The following CNTNAP2 variants were observed in gnomAD, a reference collection of about 807,000 sequenced individuals.
CNTNAP2 encodes contactin-associated protein-like 2.
A neutral mutation model predicts 155.2 loss-of-function variants in CNTNAP2; 98 were observed. The ratio of observed to expected loss-of-function variants is 0.63; its 90% CI spans 0.54 to 0.75. The LOEUF (loss-of-function observed/expected upper bound fraction) is 0.75. Ranked by LOEUF, CNTNAP2 falls within the 30% of genes least tolerant of loss-of-function variation. The probability of loss-of-function intolerance (pLI) is 0.00; values close to 1 mark genes in which losing one functional copy is unlikely to be tolerated. For synonymous variants in CNTNAP2, 651 were observed against 631.2 expected (o/e 1.03, Z -0.47); for missense variants, 1,727 against 1,688.1 (o/e 1.02, Z -0.40).
rs573391486 is a variant in CNTNAP2 at position 146,520,212 on chromosome 7, C to CA, written c.98-254052dup. ...TATAGTTGACAATAACTTTATTAGG[C>CA]AAAAAAATCTACTAATTTTCATTGT... On this transcript the variant is annotated intron_variant, in intron 1 of 23. Coordinates refer to ENST00000361727, the MANE Select transcript of CNTNAP2 (RefSeq NM_014141.6). Among the ~76,000 whole-genome samples the CA allele has an allele frequency of 2.6e-3, 388 of 149,236 alleles. 3 individuals carry two copies. The highest frequency in any genetic ancestry group is 8.7e-3 in the African/African-American group (354 of 40,852).
chr7:148,159,045 T>G (rs1459112789), intron 17 of CNTNAP2, among the ~76,000 whole-genome samples: 1 of 152,168 alleles, frequency 6.6e-6, no homozygotes, highest in African/African-American at 2.4e-5. Context: ...CTTTTAGTAT[T>G]CCGCATTCAG....
rs149248383 is a variant in CNTNAP2, at chr7:147,364,517, G to A, written c.1499-31092G>A. On this transcript the variant is annotated intron_variant, in intron 9 of 23. Transcript: ENST00000361727. ...ATAATAAATCATGAAATTCCAGACA[G>A]TGTTCACTCATTTATGGTTGGTCAT... 2.4e-4 allele frequency among the ~76,000 whole-genome samples: 36 copies of A among 152,270 alleles called. No individual in the cohort carries two copies. In the East Asian group the frequency reaches 6.6e-3, roughly 28 times the overall value.
chr7:148,225,213 T>C (rs1274426667), intron 19 of CNTNAP2, among the ~76,000 whole-genome samples: 2 of 152,168 alleles, frequency 1.3e-5, no homozygotes, highest in African/African-American at 4.8e-5. Flanking sequence ...ATCTATAGTA[T>C]GTTGTGTGCT....
intron 8 of CNTNAP2, among the ~76,000 whole-genome samples, chr7:147,136,487 A>T (rs1563089540): frequency 5.3e-5 from 8 of 151,910 alleles, no homozygotes; most frequent in Admixed American, 5.3e-4. Context: ...TTCTTAGTAA[A>T]ATTTCCTTTG....
At chr7:146,203,696 C>G (rs1314889282) in intron 1 of CNTNAP2, among the ~76,000 whole-genome samples, 6 of 152,094 alleles carry the variant, frequency 3.9e-5, no homozygotes, top group Admixed American at 2.6e-4. Flanking sequence ...TCCCAACCCT[C>G]TAATCCTGCC....
At chr7:147,458,117 A>G (rs753365179) in intron 10 of CNTNAP2, among the ~76,000 whole-genome samples, 1 of 129,230 alleles carries the variant, frequency 7.7e-6, no homozygotes, top group Non-Finnish European at 1.7e-5. Context: ...TATTGTCTCT[A>G]TTGGTACTAT....
At position 147,276,414 on chromosome 7, in the gene CNTNAP2, A is replaced by C. The variant is rs1440532087; in HGVS notation, c.1349-23727A>C. Among the ~76,000 whole-genome samples, 4 of 152,138 alleles carry C rather than the reference A, an allele frequency of 2.6e-5. No individual in the cohort carries two copies. The East Asian group carries it at 7.7e-4, about 29-fold the overall frequency. ...AAATATACATATCTAAGCCCAATTA[A>C]GACCAATAAAATGTTTGTAAGTTGA... On this transcript the variant is annotated intron_variant, in intron 8 of 23. Transcript: ENST00000361727.
intron 8 of CNTNAP2, among the ~76,000 whole-genome samples, chr7:147,210,175 G>A (rs1309945489): frequency 6.6e-6 from 1 of 151,822 alleles, no homozygotes; most frequent in Non-Finnish European, 1.5e-5. Context: ...TTGCTACCAG[G>A]TCTTTTTTTG....
intron 1 of CNTNAP2, among the ~76,000 whole-genome samples, chr7:146,672,180 C>T (rs1300804992): frequency 6.6e-6 from 1 of 152,160 alleles, no homozygotes; most frequent in Non-Finnish European, 1.5e-5. Flanking sequence ...TGCTCTCTCT[C>T]ATCCTGGTGA....
chr7:146,673,862 C>T (rs961836891), intron 1 of CNTNAP2, among the ~76,000 whole-genome samples: 5 of 152,166 alleles, frequency 3.3e-5, no homozygotes, highest in African/African-American at 1.2e-4. Flanking sequence ...GGGTTATAGG[C>T]ATGAGCCATT....
Position 146,947,578 on chromosome 7 carries a change from T to TATAC in CNTNAP2, c.403-96326_403-96325insCATA, listed in dbSNP as rs1447875964. Among the ~76,000 whole-genome samples the TATAC allele has an allele frequency of 9.8e-3, 648 of 65,834 alleles. 3 individuals are homozygous for TATAC. The highest frequency in any genetic ancestry group is 0.049 in the South Asian group (84 of 1,704). The allele number at this position is 65,834 out of a possible 152,430, so 43.2% of individuals were successfully genotyped here. A position where few individuals can be genotyped will look rare whatever the true frequency, so the allele number is the denominator to read the frequency against. On this transcript the variant is annotated intron_variant, in intron 3 of 23. Transcript: ENST00000361727. ...GTGTGTATATATATATATATATACA[T>TATAC]ATATATATATATATATATATGTATA...
intron 8 of CNTNAP2, among the ~76,000 whole-genome samples, chr7:147,269,939 A>G (rs1045429971): frequency 2.0e-5 from 3 of 152,098 alleles, no homozygotes; most frequent in Non-Finnish European, 2.9e-5. Flanking sequence ...GCGTGCTCCT[A>G]TAGTCCCAGC....
intron 8 of CNTNAP2, among the ~76,000 whole-genome samples, chr7:147,140,222 G>A (rs1168560466): frequency 1.3e-5 from 2 of 151,980 alleles, no homozygotes; most frequent in Non-Finnish European, 2.9e-5. Context: ...ATCACTTCTA[G>A]TCTTTCTTCT....
intron 19 of CNTNAP2, among the ~76,000 whole-genome samples, chr7:148,220,450 G>C (rs1283131741): frequency 6.6e-6 from 1 of 152,088 alleles, no homozygotes; most frequent in African/African-American, 2.4e-5. Context: ...GAATCTGAAA[G>C]TTCAACTTTT....
chr7:146,688,690 G>A (rs1028195875), intron 1 of CNTNAP2, among the ~76,000 whole-genome samples: 1 of 152,126 alleles, frequency 6.6e-6, no homozygotes, highest in Non-Finnish European at 1.5e-5. Context: ...TTCTTCAGTT[G>A]CTTCAGGCCA....
intron 6 of CNTNAP2, among the ~76,000 whole-genome samples, chr7:147,124,973 C>T (rs975883187): frequency 2.7e-4 from 40 of 148,144 alleles, no homozygotes; most frequent in Non-Finnish European, 4.6e-4. Flanking sequence ...CTCCGCCTCC[C>T]GGGTTCAAGT....
At chr7:146,484,367 ATAT>A (rs1797024191) in intron 1 of CNTNAP2, among the ~76,000 whole-genome samples, 3 of 152,336 alleles carry the variant, frequency 2.0e-5, no homozygotes, top group Admixed American at 2.0e-4. Flanking sequence ...CAGTTAGAAA[ATAT>A]TATATTGGAA....
At chr7:147,835,884 C>T (rs1458002624) in intron 13 of CNTNAP2, among the ~76,000 whole-genome samples, 1 of 152,098 alleles carries the variant, frequency 6.6e-6, no homozygotes, top group Non-Finnish European at 1.5e-5. Flanking sequence ...GGTCACAAGA[C>T]CAAGAATGCC....
At chr7:147,174,053 C>A (rs963168235) in intron 8 of CNTNAP2, among the ~76,000 whole-genome samples, 8 of 152,098 alleles carry the variant, frequency 5.3e-5, no homozygotes, top group Non-Finnish European at 1.0e-4. Flanking sequence ...CCCTCTGAAT[C>A]ATGTATGTCC....
Sources: allele counts gnomAD v4.1 joint callset (sites outside exome capture counted in the v4.1 genomes callset), GRCh38; gene constraint gnomAD v4.1.1; transcripts MANE v1.5; gene names NCBI Gene and HGNC (gene_info 2026-07-23, HGNC 2026-07-21).